Variants in CCSER1 observed in about 807,000 individuals in gnomAD.
CCSER1 encodes the protein serine-rich coiled-coil domain-containing protein 1.
Under a neutral mutation model 82.0 loss-of-function variants are expected in CCSER1, and 41 were observed. The observed-to-expected ratio is 0.50, with a 90% CI of 0.39 to 0.65. The LOEUF (loss-of-function observed/expected upper bound fraction) is 0.65. Ranked by LOEUF, CCSER1 falls within the 30% of genes least tolerant of loss-of-function variation. The pLI is 0.00. For missense variants in CCSER1, 1,119 were observed against 1,064.2 expected (o/e 1.05, Z -0.72); for synonymous variants, 414 against 383.9 (o/e 1.08, Z -0.92).
At chr4:91,039,468 C>T (rs1330481594) in intron 9 of CCSER1, among the ~76,000 whole-genome samples, 1 of 152,004 alleles carries the variant, frequency 6.6e-6, no homozygotes, top group Non-Finnish European at 1.5e-5. Flanking sequence ...TAAATTATGG[C>T]TATCTTTCCA....
intron 10 of CCSER1, among the ~76,000 whole-genome samples, chr4:91,244,088 A>G (rs1209360733): frequency 6.6e-6 from 1 of 152,158 alleles, no homozygotes; most frequent in Non-Finnish European, 1.5e-5. Context: ...CTGATAGAAG[A>G]GTCCTTGAGT....
At chr4:90,480,038 G>A (rs1578692647) in intron 5 of CCSER1, among the ~76,000 whole-genome samples, 1 of 152,142 alleles carries the variant, frequency 6.6e-6, no homozygotes, top group Non-Finnish European at 1.5e-5. Context: ...TCCAGCACCT[G>A]TTGTTTCCTG....
chr4:91,588,832 G>A (rs1160131949), intron 10 of CCSER1, among the ~76,000 whole-genome samples: 1 of 151,708 alleles, frequency 6.6e-6, no homozygotes, highest in African/African-American at 2.4e-5. Context: ...CATAACTTAT[G>A]TCAATTATTA....
chr4:90,263,888 A>G (rs1180748590), intron 1 of CCSER1, among the ~76,000 whole-genome samples: 2 of 152,150 alleles, frequency 1.3e-5, no homozygotes, highest in African/African-American at 4.8e-5. Context: ...CCCCTCTGGA[A>G]CATTACCCCA....
chr4:90,668,731 G>T (rs1204863318), intron 6 of CCSER1, among the ~76,000 whole-genome samples: 1 of 152,012 alleles, frequency 6.6e-6, no homozygotes, highest in Non-Finnish European at 1.5e-5. Context: ...TTTGGAAATT[G>T]TTATTTTGGG....
intron 1 of CCSER1, among the ~76,000 whole-genome samples, chr4:90,181,729 G>A (rs1011864469): frequency 6.6e-6 from 1 of 152,156 alleles, no homozygotes; most frequent in East Asian, 1.9e-4. Context: ...TGAACAAGAT[G>A]TGAATTGGCA....
intron 1 of CCSER1, among the ~76,000 whole-genome samples, chr4:90,273,018 C>CAA (rs199498597): frequency 2.0e-4 from 29 of 145,824 alleles, no homozygotes; most frequent in African/African-American, 6.7e-4. Context: ...AACAAACAAA[C>CAA]AAACAAAAAA....
chr4:90,281,455 G>A (rs1728832556), intron 1 of CCSER1, among the ~76,000 whole-genome samples: 1 of 151,928 alleles, frequency 6.6e-6, no homozygotes. Flanking sequence ...TATCTATAAA[G>A]TCAAGGTGCA....
At chr4:91,042,275 C>T (rs1034696040) in intron 9 of CCSER1, among the ~76,000 whole-genome samples, 2 of 152,096 alleles carry the variant, frequency 1.3e-5, no homozygotes, top group African/African-American at 2.4e-5. Flanking sequence ...GTGCATCCAG[C>T]GTTCATTCGC....
At chr4:91,321,497 G>A (rs1470716436) in intron 10 of CCSER1, among the ~76,000 whole-genome samples, 1 of 151,994 alleles carries the variant, frequency 6.6e-6, no homozygotes, top group East Asian at 1.9e-4. Flanking sequence ...TTCAAAAGCA[G>A]GAGTATTGAA....
At chr4:90,734,069 T>C (rs1272029861) in intron 7 of CCSER1, among the ~76,000 whole-genome samples, 1 of 151,840 alleles carries the variant, frequency 6.6e-6, no homozygotes, top group African/African-American at 2.4e-5. Context: ...GTGAAAAACG[T>C]CAATTTAATC....
intron 10 of CCSER1, among the ~76,000 whole-genome samples, chr4:91,125,865 A>G (rs1013707635): frequency 2.6e-5 from 4 of 151,754 alleles, no homozygotes; most frequent in Admixed American, 6.6e-5. Flanking sequence ...ACTTATTTCA[A>G]TTTCACAGGT....
intron 9 of CCSER1, among the ~76,000 whole-genome samples, chr4:91,084,814 A>G (rs1284131907): frequency 6.6e-6 from 1 of 152,252 alleles, no homozygotes; most frequent in Non-Finnish European, 1.5e-5. Context: ...TTAAAATAAA[A>G]TGGTTTAGTT....
chr4:90,290,110 T>G (rs760596530), intron 1 of CCSER1, among the ~76,000 whole-genome samples: 20 of 151,906 alleles, frequency 1.3e-4, no homozygotes, highest in Non-Finnish European at 2.5e-4. Context: ...TTTATCTTTA[T>G]TTTTAACTCC....
intron 9 of CCSER1, among the ~76,000 whole-genome samples, chr4:90,979,150 T>C (rs1382055871): frequency 6.6e-6 from 1 of 151,322 alleles, no homozygotes; most frequent in Non-Finnish European, 1.5e-5. Context: ...AACATAAATA[T>C]ATACTTTTAA....
chr4:90,251,369 T>C (rs946846469), intron 1 of CCSER1, among the ~76,000 whole-genome samples: 6 of 151,920 alleles, frequency 3.9e-5, no homozygotes, highest in African/African-American at 1.4e-4. Context: ...CCAGGGATTT[T>C]TCTACACATC....
rs193029254 is a variant in CCSER1 at position 91,131,053 on chromosome 4, A to G, written c.2217+45059A>G. Among the ~76,000 whole-genome samples, 5 of 152,050 alleles carry G rather than the reference A, an allele frequency of 3.3e-5. No individual in the cohort carries two copies. The East Asian group carries it at 9.7e-4, about 29-fold the overall frequency. On this transcript the variant is annotated intron_variant, in intron 10 of 10. Transcript: ENST00000509176. ...TGTATATTAGAGAAAACTTAAAAATATAATTCTGTGGATCTCAATATGTAT... is the reference window on the plus strand; with the variant it reads ...TGTATATTAGAGAAAACTTAAAAATGTAATTCTGTGGATCTCAATATGTAT...
At chr4:91,259,446 T>A (rs955909643) in intron 10 of CCSER1, among the ~76,000 whole-genome samples, 3 of 151,428 alleles carry the variant, frequency 2.0e-5, no homozygotes, top group Non-Finnish European at 4.4e-5. Flanking sequence ...ACCTTGGTAG[T>A]CATATATATA....
chr4:91,433,130 G>T (rs143307137), intron 10 of CCSER1, among the ~76,000 whole-genome samples: 90 of 152,218 alleles, frequency 5.9e-4, no homozygotes, highest in Non-Finnish European at 6.2e-4. Flanking sequence ...TTAGTTATAT[G>T]AATGAAAATT....
Sources: allele counts gnomAD v4.1 joint callset (sites outside exome capture counted in the v4.1 genomes callset), GRCh38; gene constraint gnomAD v4.1.1; transcripts MANE v1.5; gene names NCBI Gene and HGNC (gene_info 2026-07-23, HGNC 2026-07-21).